SEM1: variants seen among roughly 807,000 people sequenced by gnomAD.
The protein encoded by SEM1 is 26S proteasome complex subunit SEM1.
SEM1 carries 3 observed loss-of-function variants against 12.7 expected under a neutral mutation model. The observed-to-expected ratio is 0.24, with a 90% CI of 0.11 to 0.61. SEM1 has a LOEUF of 0.61. Among genes scored for constraint, SEM1 ranks in the 20% least tolerant of loss-of-function variants. The pLI is 0.88. For synonymous variants in SEM1, 30 were observed against 27.8 expected (o/e 1.08, Z -0.25); for missense variants, 59 against 81.3 (o/e 0.73, Z 1.06).
At chr7:96,683,171 A>T (rs148405595) in intron 2 of SEM1, among the ~76,000 whole-genome samples, 15 of 152,098 alleles carry the variant, frequency 9.9e-5, no homozygotes, top group African/African-American at 3.6e-4. Flanking sequence ...ATAGAACTAG[A>T]AATACTTGAA....
chr7:96,709,277 G>A (rs1176019547), intron 1 of SEM1, among the ~76,000 whole-genome samples: 1 of 152,114 alleles, frequency 6.6e-6, no homozygotes. Flanking sequence ...AAGCAGCATT[G>A]GCGTAACTAC....
chr7:96,650,899 G>T (rs1178005764), intron 2 of SEM1, among the ~76,000 whole-genome samples: 2 of 152,158 alleles, frequency 1.3e-5, no homozygotes, highest in Admixed American at 6.5e-5. Context: ...GGTGTTTTCA[G>T]GTGTGGAGAT....
At chr7:96,568,829 A>G (rs974617826) in intron 2 of SEM1, among the ~76,000 whole-genome samples, 15 of 151,918 alleles carry the variant, frequency 9.9e-5, no homozygotes, top group African/African-American at 4.8e-5. Context: ...TACGATTTTT[A>G]TCTCCTAATA....
At chr7:96,650,297 C>A in intron 2 of SEM1, 1 of 485,136 alleles carries the variant, frequency 2.1e-6, no homozygotes, top group Non-Finnish European at 3.6e-6. Context: ...TTGAAACAAT[C>A]CCTCTCCTTC....
chr7:96,529,372 T>A (rs963609065), intron 2 of SEM1, among the ~76,000 whole-genome samples: 8 of 152,134 alleles, frequency 5.3e-5, no homozygotes, highest in Non-Finnish European at 8.8e-5. Flanking sequence ...AAAAGTAGCT[T>A]ATTTAGGAAC....
intron 2 of SEM1, among the ~76,000 whole-genome samples, chr7:96,590,265 A>G (rs1297487899): frequency 1.3e-5 from 2 of 152,190 alleles, no homozygotes; most frequent in Non-Finnish European, 2.9e-5. Context: ...AATTTTTGTT[A>G]GTATAATTAT....
rs1806962325 is a variant in SEM1 at position 96,595,309 on chromosome 7, T to C, written c.171-88611A>G. On this transcript the variant is annotated intron_variant and NMD_transcript_variant, in intron 2 of 3. Transcript: ENST00000466986. The stretch of plus-strand genomic sequence containing the variant: ...GGAAGGATCACTTGAGCCCAGGCAT[T>C]TGAGACCAGTGTGGGCAACATGGCA... Among the ~76,000 whole-genome samples the C allele has an allele frequency of 2.0e-5, 3 of 152,070 alleles. No individual in the cohort carries two copies. The South Asian group carries it at 6.2e-4, about 32-fold the overall frequency.
At chr7:96,536,062 T>C (rs1045153183) in intron 2 of SEM1, among the ~76,000 whole-genome samples, 1 of 151,922 alleles carries the variant, frequency 6.6e-6, no homozygotes, top group African/African-American at 2.4e-5. Context: ...GTTGAAATAA[T>C]TTACACTCCC....
intron 2 of SEM1, among the ~76,000 whole-genome samples, chr7:96,542,435 T>G (rs1052916242): frequency 3.3e-5 from 5 of 151,904 alleles, no homozygotes; most frequent in Non-Finnish European, 7.4e-5. Context: ...TGCTGGCTTT[T>G]GTACATTGAT....
intron 2 of SEM1, among the ~76,000 whole-genome samples, chr7:96,615,241 CTTT>C (rs60940244): frequency 5.0e-4 from 63 of 126,456 alleles, no homozygotes; most frequent in African/African-American, 1.9e-3. Context: ...TTTGAGTCAT[CTTT>C]TTTTTTTTTT....
chr7:96,499,090 T>A (rs1803412814), upstream of SEM1, among the ~76,000 whole-genome samples: 4 of 152,300 alleles, frequency 2.6e-5, no homozygotes, highest in South Asian at 8.3e-4. Flanking sequence ...GAAGTAATCA[T>A]ATTTGTTCTC....
chr7:96,607,141 A>G (rs1024960098), intron 2 of SEM1, among the ~76,000 whole-genome samples: 1 of 152,214 alleles, frequency 6.6e-6, no homozygotes, highest in Non-Finnish European at 1.5e-5. Flanking sequence ...AAACTGCTCT[A>G]GGTGCTGAGG....
intron 2 of SEM1, among the ~76,000 whole-genome samples, chr7:96,651,574 T>A (rs774988178): frequency 1.3e-5 from 2 of 152,052 alleles, no homozygotes; most frequent in Admixed American, 6.5e-5. Flanking sequence ...AAGGATTTTG[T>A]TTGTTTGTTT....
intron 2 of SEM1, among the ~76,000 whole-genome samples, chr7:96,523,475 A>G (rs151097856): frequency 1.7e-3 from 255 of 152,202 alleles, no homozygotes; most frequent in African/African-American, 5.9e-3. Flanking sequence ...CAAAAGAGGG[A>G]AAGATCACAT....
intron 2 of SEM1, among the ~76,000 whole-genome samples, chr7:96,556,377 G>A (rs745703279): frequency 2.0e-5 from 3 of 152,024 alleles, no homozygotes; most frequent in Non-Finnish European, 4.4e-5. Context: ...CTCTTGTAAG[G>A]CAGGCCTGGT....
rs547099992 is a variant in SEM1 at position 96,504,593 on chromosome 7, T to A, written c.*60+2030A>T. Among the ~76,000 whole-genome samples, 446 of 152,250 alleles carry A rather than the reference T, an allele frequency of 2.9e-3. 1 individual carries two copies. Among genetic ancestry groups the A allele is most frequent in the South Asian group, 0.017 (84 of 4,818 alleles). ...TTATCTTGAATCAAAACCTATATAC[T>A]AATTCATTTATAAATACCTTATTTA... On this transcript the variant is annotated intron_variant and NMD_transcript_variant, in intron 3 of 3. Transcript: ENST00000466986.
chr7:96,642,279 A>G (rs755034976), intron 2 of SEM1, among the ~76,000 whole-genome samples: 1 of 152,116 alleles, frequency 6.6e-6, no homozygotes, highest in Non-Finnish European at 1.5e-5. Context: ...AAATTCCTTT[A>G]TAGAATAACC....
chr7:96,684,318 A>G (rs986040348), downstream of SEM1, among the ~76,000 whole-genome samples: 5 of 152,094 alleles, frequency 3.3e-5, no homozygotes, highest in Non-Finnish European at 5.9e-5. Context: ...AAAGCTGTCC[A>G]TCCTTGTATC....
At chr7:96,527,921 G>A (rs978129923) in intron 2 of SEM1, among the ~76,000 whole-genome samples, 3 of 152,032 alleles carry the variant, frequency 2.0e-5, no homozygotes, top group African/African-American at 7.2e-5. Context: ...AATCTACAAA[G>A]GGTTTTTGTT....
Sources: allele counts gnomAD v4.1 joint callset (sites outside exome capture counted in the v4.1 genomes callset), GRCh38; gene constraint gnomAD v4.1.1; transcripts MANE v1.5; gene names NCBI Gene and HGNC (gene_info 2026-07-23, HGNC 2026-07-21).